Variants in IKZF1 observed in about 807,000 individuals in gnomAD.
The protein encoded by IKZF1 is IKAROS family zinc finger 1.
A neutral mutation model predicts 51.7 loss-of-function variants in IKZF1; 10 were observed. The observed-to-expected ratio is 0.19, with a 90% confidence interval of 0.12 to 0.33. The LOEUF (loss-of-function observed/expected upper bound fraction) is 0.33. Among genes scored for constraint, IKZF1 ranks in the 10% least tolerant of loss-of-function variants. The pLI is 1.00. For missense variants in IKZF1, 484 were observed against 707.5 expected (o/e 0.68, Z 3.58); for synonymous variants, 280 against 282.3 (o/e 0.99, Z 0.08).
At chr7:50,391,894 A>G in intron 7 of IKZF1, 31 bp downstream of exon 7, 3 of 1,591,906 alleles carry the variant, frequency 1.9e-6, no homozygotes, top group African/African-American at 1.3e-5. Context: ...GTCTCTTAAA[A>G]AAAAACTATG....
At chr7:50,320,283 T>C (rs1792841094) in intron 2 of IKZF1, among the ~76,000 whole-genome samples, 1 of 152,188 alleles carries the variant, frequency 6.6e-6, no homozygotes. Context: ...TTTCACTTAA[T>C]TTTTAATTTT....
chr7:50,363,969 A>G (rs752275477), intron 3 of IKZF1, among the ~76,000 whole-genome samples: 4 of 152,252 alleles, frequency 2.6e-5, no homozygotes, highest in Non-Finnish European at 5.9e-5. Flanking sequence ...ACAAGGTCAT[A>G]ATAGACTAGT....
intron 1 of IKZF1, among the ~76,000 whole-genome samples, chr7:50,314,724 C>G (rs978242078): frequency 1.3e-5 from 2 of 152,188 alleles, no homozygotes. Flanking sequence ...GGAGGCAGCT[C>G]AGAGGCCTGA....
chr7:50,309,359 G>A (rs561503387), intron 1 of IKZF1, among the ~76,000 whole-genome samples: 1 of 152,132 alleles, frequency 6.6e-6, no homozygotes, highest in Non-Finnish European at 1.5e-5. Context: ...GGGATCCAAT[G>A]TGGTCTTGTC....
At chr7:50,350,740 G>A (rs1428754893) in intron 3 of IKZF1, among the ~76,000 whole-genome samples, 2 of 152,148 alleles carry the variant, frequency 1.3e-5, no homozygotes, top group East Asian at 3.8e-4. Flanking sequence ...CATTTGCATT[G>A]GTTACTCATA....
At position 50,363,455 on chromosome 7, in the gene IKZF1, A is replaced by T. The variant is rs141399459; in HGVS notation, c.161-13078A>T. Reference sequence around the variant, plus strand: ...TGACATCATCAGGACTGACTGCAGGACAGGCGGTGAAACGAGCCACTGAGG... The same window carrying T: ...TGACATCATCAGGACTGACTGCAGGTCAGGCGGTGAAACGAGCCACTGAGG... On this transcript the variant is annotated intron_variant, in intron 3 of 7. Coordinates refer to ENST00000331340, the MANE Select transcript of IKZF1 (RefSeq NM_006060.6). Among the ~76,000 whole-genome samples, 819 of 152,188 alleles carry T rather than the reference A, an allele frequency of 5.4e-3. 11 individuals are homozygous for T. Among genetic ancestry groups the T allele is most frequent in the African/African-American group, 0.019 (786 of 41,510 alleles).
intron 1 of IKZF1, among the ~76,000 whole-genome samples, chr7:50,309,980 C>G (rs1019729826): frequency 7.9e-5 from 12 of 152,170 alleles, no homozygotes; most frequent in African/African-American, 2.9e-4. Context: ...AAAAAGTGAC[C>G]TTTTCCTCCT....
chr7:50,317,944 G>A (rs1038310456), intron 1 of IKZF1, among the ~76,000 whole-genome samples: 2 of 152,168 alleles, frequency 1.3e-5, no homozygotes, highest in Non-Finnish European at 1.5e-5. Context: ...AAAATAAAAA[G>A]GGGGACAGGG....
Position 50,400,637 on chromosome 7 carries a change from G to T in IKZF1, c.*10G>T. The T allele has an allele frequency of 1.3e-6, 2 of 1,599,618 alleles. No individual in the cohort carries two copies. The highest frequency in any genetic ancestry group is 2.7e-5 in the African/African-American group (2 of 74,904). ...CTTCCACATGAGCTAAAGCCCTCCC[G>T]CGCCCCCACCCCAGACCCCGAGCCA... is the stretch of plus-strand genomic sequence containing the variant. On this transcript the variant is annotated 3_prime_UTR_variant, in exon 8 of 8. Transcript: ENST00000331340. This position sits in a 1 kb window ranked among gnomAD's most constrained non-coding sequence, Gnocchi z 5.4.
intron 3 of IKZF1, among the ~76,000 whole-genome samples, chr7:50,330,721 C>T (rs919730529): frequency 3.9e-5 from 6 of 152,148 alleles, no homozygotes; most frequent in South Asian, 2.1e-4. Flanking sequence ...TAGGGGAATT[C>T]GTGGATAAAG....
chr7:50,311,242 T>C (rs528954636), intron 1 of IKZF1, among the ~76,000 whole-genome samples: 2 of 152,198 alleles, frequency 1.3e-5, no homozygotes, highest in Admixed American at 6.5e-5. Context: ...TTATTGTATA[T>C]AGGTCAGGCC....
chr7:50,319,178 A>G (rs1792425758), intron 2 of IKZF1, 77 bp downstream of exon 2: 12 of 1,238,464 alleles, frequency 9.7e-6, no homozygotes, highest in Admixed American at 6.8e-5. Context: ...AGTGCTTGGT[A>G]TGCTCATGGG....
chr7:50,318,426 G>C (rs1384388693), intron 1 of IKZF1: 1 of 229,560 alleles, frequency 4.4e-6, no homozygotes, highest in Non-Finnish European at 8.6e-6. Flanking sequence ...GTGTAAGAGT[G>C]CTGGTGAAGG....
At chr7:50,329,784 ACAGAGAGC>A (rs1796028937) in intron 3 of IKZF1, among the ~76,000 whole-genome samples, 1 of 152,230 alleles carries the variant, frequency 6.6e-6, no homozygotes, top group Admixed American at 6.5e-5. Context: ...ATGTAAATGA[ACAGAGAGC>A]CTGGATGTCA....
chr7:50,330,979 T>G (rs1480085244), intron 3 of IKZF1, among the ~76,000 whole-genome samples: 1 of 152,172 alleles, frequency 6.6e-6, no homozygotes, highest in East Asian at 1.9e-4. Context: ...AAGGCTTTTC[T>G]TCTCTGAGCC....
At chr7:50,335,279 G>A (rs1194297008) in intron 3 of IKZF1, among the ~76,000 whole-genome samples, 22 of 149,732 alleles carry the variant, frequency 1.5e-4, no homozygotes, top group African/African-American at 3.4e-4. Context: ...TGTGTGGTGT[G>A]TATATGTGTT....
chr7:50,383,013 T>A (rs148943855), intron 5 of IKZF1, among the ~76,000 whole-genome samples: 3 of 152,316 alleles, frequency 2.0e-5, no homozygotes, highest in African/African-American at 7.2e-5. Flanking sequence ...CTGGTATGGT[T>A]TCCCTAAAGG....
intron 7 of IKZF1, among the ~76,000 whole-genome samples, chr7:50,393,394 A>G (rs989090376): frequency 6.6e-6 from 1 of 152,158 alleles, no homozygotes; most frequent in Non-Finnish European, 1.5e-5. Flanking sequence ...GGTGAGGCCA[A>G]GGGTCCCAGA....
chr7:50,350,442 A>G (rs951496458), intron 3 of IKZF1, among the ~76,000 whole-genome samples: 1 of 152,146 alleles, frequency 6.6e-6, no homozygotes, highest in Non-Finnish European at 1.5e-5. Context: ...AACAGGTAGC[A>G]TTTCTGAACC....
Sources: gnomAD v4.1 joint callset for allele counts (sites outside exome capture counted in the v4.1 genomes callset) on GRCh38, gnomAD v4.1.1 for gene constraint, Gnocchi (gnomAD v3.1) non-coding constraint, MANE v1.5 for transcripts, NCBI Gene and HGNC (gene_info 2026-07-23, HGNC 2026-07-21) for gene names.